Variants in CNTNAP2 observed in about 807,000 individuals in gnomAD.
The protein encoded by CNTNAP2 is contactin-associated protein-like 2.
Under a neutral mutation model 155.2 loss-of-function variants are expected in CNTNAP2, and 98 were observed. The observed-to-expected ratio is 0.63, with a 90% CI of 0.54 to 0.75. The LOEUF is 0.75. Ranked by LOEUF, CNTNAP2 falls within the 30% of genes least tolerant of loss-of-function variation. The pLI is 0.00. For synonymous variants in CNTNAP2, 651 were observed against 631.2 expected (o/e 1.03, Z -0.47); for missense variants, 1,727 against 1,688.1 (o/e 1.02, Z -0.40).
At chr7:146,535,606 T>G (rs1439667456) in intron 1 of CNTNAP2, among the ~76,000 whole-genome samples, 1 of 150,862 alleles carries the variant, frequency 6.6e-6, no homozygotes, top group Non-Finnish European at 1.5e-5. Context: ...TGGGTTGCAA[T>G]GTGATTTTTT....
At chr7:147,939,070 T>C (rs1346675967) in intron 14 of CNTNAP2, among the ~76,000 whole-genome samples, 1 of 152,236 alleles carries the variant, frequency 6.6e-6, no homozygotes, top group Non-Finnish European at 1.5e-5. Flanking sequence ...TTATCTTTGA[T>C]AAGTTTATTG....
intron 1 of CNTNAP2, among the ~76,000 whole-genome samples, chr7:146,211,117 C>T (rs988942762): frequency 4.6e-5 from 7 of 152,134 alleles, no homozygotes; most frequent in African/African-American, 1.4e-4. Context: ...CTCTAGGGCC[C>T]TTTGCACCAA....
intron 1 of CNTNAP2, among the ~76,000 whole-genome samples, chr7:146,179,777 A>G (rs573590613): frequency 6.6e-6 from 1 of 152,282 alleles, no homozygotes; most frequent in East Asian, 1.9e-4. Context: ...ATTATTGTAG[A>G]ATATAGATTA....
At position 147,941,895 on chromosome 7, in the gene CNTNAP2, A is replaced by C. The variant is rs570522577; in HGVS notation, c.2256-35967A>C. 6.6e-5 allele frequency among the ~76,000 whole-genome samples: 10 copies of C among 152,366 alleles called. No individual in the cohort carries two copies. In the South Asian group the frequency reaches 1.2e-3, roughly 19 times the overall value. ...TGGATTATTGCACATATTTACAGTC[A>C]GAGCCAGCTATACCGACATATTTAA... On this transcript the variant is annotated intron_variant, in intron 14 of 23. Transcript: ENST00000361727.
At chr7:147,835,616 C>T (rs1798620460) in intron 13 of CNTNAP2, among the ~76,000 whole-genome samples, 1 of 152,172 alleles carries the variant, frequency 6.6e-6, no homozygotes, top group East Asian at 1.9e-4. Context: ...ACTGTAGTGA[C>T]TTCAATTGTG....
chr7:146,933,894 C>T (rs1469427645), intron 3 of CNTNAP2, among the ~76,000 whole-genome samples: 3 of 151,542 alleles, frequency 2.0e-5, no homozygotes, highest in Non-Finnish European at 4.4e-5. Context: ...CAATGAGATA[C>T]CATCTCACAC....
At chr7:146,302,345 C>T (rs895136009) in intron 1 of CNTNAP2, among the ~76,000 whole-genome samples, 14 of 152,078 alleles carry the variant, frequency 9.2e-5, no homozygotes, top group Non-Finnish European at 1.8e-4. Context: ...AATGACACAA[C>T]TTGTCAACTA....
chr7:146,461,008 T>G (rs1796628289), intron 1 of CNTNAP2, among the ~76,000 whole-genome samples: 1 of 152,208 alleles, frequency 6.6e-6, no homozygotes, highest in East Asian at 1.9e-4. Flanking sequence ...TGGGAGGTGA[T>G]GGATATGTTA....
At chr7:148,289,597 A>ATCC (rs1563027464) in intron 21 of CNTNAP2, among the ~76,000 whole-genome samples, 4 of 151,776 alleles carry the variant, frequency 2.6e-5, no homozygotes, top group African/African-American at 9.7e-5. Flanking sequence ...ACACACACAC[A>ATCC]CACACCCCAT....
intron 1 of CNTNAP2, among the ~76,000 whole-genome samples, chr7:146,328,064 G>C (rs1245457947): frequency 6.6e-6 from 1 of 152,200 alleles, no homozygotes; most frequent in Non-Finnish European, 1.5e-5. Flanking sequence ...GCCTGTTAGG[G>C]ACGTGGCTGC....
intron 1 of CNTNAP2, among the ~76,000 whole-genome samples, chr7:146,533,056 C>T (rs914659489): frequency 7.1e-6 from 1 of 140,118 alleles, no homozygotes; most frequent in African/African-American, 2.7e-5. Context: ...GAGCAGAGAT[C>T]GCACCACTGC....
intron 4 of CNTNAP2, among the ~76,000 whole-genome samples, chr7:147,095,546 A>G (rs912526027): frequency 1.3e-5 from 2 of 151,694 alleles, no homozygotes; most frequent in Admixed American, 6.6e-5. Context: ...TTTTCTTTTT[A>G]GTAAGTTCTA....
intron 1 of CNTNAP2, among the ~76,000 whole-genome samples, chr7:146,241,584 A>C (rs1351914070): frequency 1.3e-5 from 2 of 149,544 alleles, no homozygotes; most frequent in African/African-American, 5.1e-5. Flanking sequence ...CATTGCATGA[A>C]GATGCCTAAG....
At chr7:146,533,342 T>A (rs1402969269) in intron 1 of CNTNAP2, among the ~76,000 whole-genome samples, 3 of 151,994 alleles carry the variant, frequency 2.0e-5, no homozygotes, top group Non-Finnish European at 4.4e-5. Context: ...ATAAGGGAAT[T>A]TAGAAAGACT....
chr7:147,061,108 T>C (rs1799661891), intron 4 of CNTNAP2, among the ~76,000 whole-genome samples: 1 of 152,096 alleles, frequency 6.6e-6, no homozygotes, highest in African/African-American at 2.4e-5. Context: ...GAGCGGTGGG[T>C]GCCAGGGGCC....
intron 1 of CNTNAP2, among the ~76,000 whole-genome samples, chr7:146,530,501 G>A (rs78182815): frequency 0.068 from 10,385 of 152,106 alleles, 893 homozygotes; most frequent in African/African-American, 0.2. Context: ...TCTAATATCC[G>A]TAATCTATAA....
chr7:148,280,070 A>T (rs1796944858), intron 21 of CNTNAP2, among the ~76,000 whole-genome samples: 1 of 152,152 alleles, frequency 6.6e-6, no homozygotes, highest in Non-Finnish European at 1.5e-5. Context: ...GCACTTTGGG[A>T]GGCTGAGGCA....
intron 11 of CNTNAP2, among the ~76,000 whole-genome samples, chr7:147,532,160 C>T (rs1239475574): frequency 6.6e-6 from 1 of 152,116 alleles, no homozygotes; most frequent in Admixed American, 6.5e-5. Context: ...AACCTTTATA[C>T]TCTGCTTCCT....
intron 11 of CNTNAP2, among the ~76,000 whole-genome samples, chr7:147,544,796 G>A (rs112543699): frequency 0.034 from 5,138 of 152,064 alleles, 133 homozygotes; most frequent in African/African-American, 0.057. Context: ...TAAGTCTCAC[G>A]AGATCTGATG....
Sources: allele counts gnomAD v4.1 joint callset (sites outside exome capture counted in the v4.1 genomes callset), GRCh38; gene constraint gnomAD v4.1.1; transcripts MANE v1.5; gene names NCBI Gene and HGNC (gene_info 2026-07-23, HGNC 2026-07-21).